The following GRTP1 variants were observed in gnomAD, a reference collection of about 807,000 sequenced individuals.
The protein encoded by GRTP1 is growth hormone regulated TBC protein 1.
A neutral mutation model predicts 38.1 loss-of-function variants in GRTP1; 56 were observed. That is an observed-to-expected ratio of 1.47 (90% CI 1.19 to 1.84). The LOEUF (loss-of-function observed/expected upper bound fraction) is 1.84. Ranked by LOEUF, GRTP1 falls within the 40% of genes most tolerant of loss-of-function variation. GRTP1 has a pLI of 0.00. For synonymous variants in GRTP1, 217 were observed against 189.5 expected (o/e 1.14, Z -1.19); for missense variants, 506 against 453.9 (o/e 1.11, Z -1.04).
At position 113,325,475 on chromosome 13, in the gene GRTP1, TAGAC is replaced by T. The variant is rs1013826322; in HGVS notation, c.921+182_921+185del. On this transcript the variant is annotated intron_variant, in intron 7 of 7. Transcript: ENST00000375431. ...CAGGGCCAAGAAGACAGGGCCGCCATAGACAGGAAAGCCCTCGGAGGCCAGGCGC... is the reference window on the plus strand; with the variant it reads ...CAGGGCCAAGAAGACAGGGCCGCCATAGGAAAGCCCTCGGAGGCCAGGCGC... The T allele has an allele frequency of 5.9e-5, 86 of 1,458,826 alleles. No homozygotes were observed. The Admixed American group carries it at 9.3e-4, about 16-fold the overall frequency. The allele number at this position is 1,458,826 out of a possible 1,614,324, so 90.4% of individuals were successfully genotyped here.
chr13:113,325,787 C>G lies in GRTP1; in HGVS notation c.795G>C (p.Val265=), dbSNP rs1437732436. The change falls in exon 7 of 8, where the codon GTG becomes GTC. Residue 265 remains valine (V), a synonymous_variant. Coordinates refer to ENST00000375431, the MANE Select transcript of GRTP1 (RefSeq NM_024719.4). ...FNEGSKIIFR[V]ALTLIKQHQE... ...GGTGCTGCTTAATTAAGGTCAGGGC[C>G]ACCCGGAAGATAATCTTCGAGCCTT... The G allele has an allele frequency of 1.2e-6, 2 of 1,614,204 alleles. No individual in the cohort carries two copies. Among genetic ancestry groups the G allele is most frequent in the Non-Finnish European group, 1.7e-6 (2 of 1,180,036 alleles).
intron 5 of GRTP1, among the ~76,000 whole-genome samples, chr13:113,337,941 C>T (rs1039455439): frequency 6.6e-6 from 1 of 152,268 alleles, no homozygotes; most frequent in African/African-American, 2.4e-5. Flanking sequence ...GCCAGTCCTC[C>T]CAGCCAGAGC....
At chr13:113,325,509 G>T (rs747163141) in intron 7 of GRTP1, 152 bp downstream of exon 7, 22 of 1,499,512 alleles carry the variant, frequency 1.5e-5, no homozygotes, top group Non-Finnish European at 1.9e-5. Context: ...AGGCGCAGGG[G>T]GCAGATGCAG....
At chr13:113,352,349 T>A (rs5806988) in intron 3 of GRTP1, among the ~76,000 whole-genome samples, 3 of 107,132 alleles carry the variant, frequency 2.8e-5, no homozygotes, top group African/African-American at 3.7e-5. Context: ...ATATATATAT[T>A]TATATATATT....
At chr13:113,340,846 C>G (rs2043016597) in intron 5 of GRTP1, among the ~76,000 whole-genome samples, 1 of 152,012 alleles carries the variant, frequency 6.6e-6, no homozygotes, top group African/African-American at 2.4e-5. Context: ...TGTTCCTTCA[C>G]AGTTTGATAG....
rs1478348597 is a variant in GRTP1, at chr13:113,324,405, A to G, written c.*83T>C. 2.8e-6 allele frequency: 4 copies of G among 1,427,006 alleles called. No homozygotes were observed. Among genetic ancestry groups the G allele is most frequent in the Non-Finnish European group, 3.7e-6 (4 of 1,085,574 alleles). 88.4% of individuals were successfully genotyped at this position (1,427,006 alleles called of 1,614,324 possible). On this transcript the variant is annotated 3_prime_UTR_variant, in exon 8 of 8. Transcript: ENST00000375431. Reference sequence around the variant, plus strand: ...TCAAGTATTTACAACACTAAAAAGGAAAGCAGTGAAAGTTGGTCCAGTGTC... The same window carrying G: ...TCAAGTATTTACAACACTAAAAAGGGAAGCAGTGAAAGTTGGTCCAGTGTC...
intron 5 of GRTP1, among the ~76,000 whole-genome samples, chr13:113,333,838 AGTGTGTGTG>A (rs1234962443): frequency 4.2e-4 from 10 of 23,542 alleles, no homozygotes; most frequent in African/African-American, 6.8e-4. Context: ...TTATTTATTT[AGTGTGTGTG>A]TGTGTGTGTG....
chr13:113,354,506 A>G (rs2043343027), intron 3 of GRTP1, among the ~76,000 whole-genome samples: 1 of 152,002 alleles, frequency 6.6e-6, no homozygotes, highest in South Asian at 2.1e-4. Flanking sequence ...CTTTCTAAAA[A>G]TCTATTCAAT....
intron 5 of GRTP1, among the ~76,000 whole-genome samples, chr13:113,337,053 G>A (rs2042964727): frequency 6.6e-6 from 1 of 152,220 alleles, no homozygotes; most frequent in Non-Finnish European, 1.5e-5. Context: ...CGGCACTTTG[G>A]AAGGCTGAGG....
chr13:113,363,809 T>C lies in GRTP1; in HGVS notation c.134A>G (p.Lys45Arg), dbSNP rs769334846. ...CCCGCCCTGCAGCAGCCGGGACCAT[T>C]TGATCGCCCTGCGGGTGAGCGTGAC... ...YLVTLTRRAI[K>R]WSRLLQGGGV... Residue 45 changes from lysine (K) to arginine (R), a missense_variant, in exon 2 of 8, where the codon AAA becomes AGA. Transcript: ENST00000375431. 5 of 1,611,464 alleles carry C rather than the reference T, an allele frequency of 3.1e-6. No homozygotes were observed. In the Admixed American group the frequency reaches 6.7e-5, roughly 22 times the overall value.
chr13:113,350,086 A>T (rs1022958031), intron 4 of GRTP1, among the ~76,000 whole-genome samples: 11 of 152,092 alleles, frequency 7.2e-5, no homozygotes, highest in African/African-American at 2.4e-4. Flanking sequence ...ACCCTCGTGG[A>T]GGCCAGCCCT....
intron 2 of GRTP1, among the ~76,000 whole-genome samples, chr13:113,361,210 T>TAA (rs60140159): frequency 2.4e-5 from 3 of 125,354 alleles, no homozygotes; most frequent in Admixed American, 8.2e-5. Flanking sequence ...AGACCAATGC[T>TAA]AAAAAAAAAA....
rs747789425 is a variant in GRTP1 at position 113,350,923 on chromosome 13, G to C, written c.391C>G (p.Pro131Ala). The C allele has an allele frequency of 6.2e-7, 1 of 1,613,584 alleles. No individual in the cohort carries two copies. Among genetic ancestry groups the C allele is most frequent in the Non-Finnish European group, 8.5e-7 (1 of 1,179,520 alleles). Residue 131 changes from proline to alanine, a missense_variant, in exon 4 of 8, where the codon CCC becomes GCC. Transcript: ENST00000375431. ...TTGTACAGGGTCCTCTGTAAGCAGG[G>C]GTCCGTGGTCTTCCGGAACTTCACG... ...DNVKFRKTTD[P>A]CLQRTLYNVL... is the part of the protein sequence containing the mutation.
intron 2 of GRTP1, among the ~76,000 whole-genome samples, chr13:113,358,158 G>T (rs2043430181): frequency 6.6e-6 from 1 of 152,054 alleles, no homozygotes; most frequent in East Asian, 1.9e-4. Context: ...CTCCAGCCTG[G>T]GAGACACAGA....
chr13:113,325,787 C>T lies in GRTP1; in HGVS notation c.795G>A (p.Val265=). The T allele has an allele frequency of 6.2e-7, 1 of 1,614,204 alleles. No individual in the cohort carries two copies. The part of the protein sequence containing the change: ...FNEGSKIIFR[V]ALTLIKQHQE... Reference sequence around the variant, plus strand: ...GGTGCTGCTTAATTAAGGTCAGGGCCACCCGGAAGATAATCTTCGAGCCTT... The same window carrying T: ...GGTGCTGCTTAATTAAGGTCAGGGCTACCCGGAAGATAATCTTCGAGCCTT... Residue 265 remains valine (V), a synonymous_variant, in exon 7 of 8, where the codon GTG becomes GTA. Coordinates refer to ENST00000375431, the MANE Select transcript of GRTP1 (RefSeq NM_024719.4).
intron 4 of GRTP1, among the ~76,000 whole-genome samples, chr13:113,346,260 A>AGACCCAGGAG (rs1555317034): frequency 1.6e-5 from 1 of 62,726 alleles, no homozygotes; most frequent in Non-Finnish European, 3.1e-5. Context: ...GGCCGAGAGC[A>AGACCCAGGAG]GATCCGGGAG....
At chr13:113,360,332 G>C (rs1167811339) in intron 2 of GRTP1, 1 of 152,150 alleles carries the variant, frequency 6.6e-6, no homozygotes, top group Non-Finnish European at 1.5e-5. Context: ...CCAAGAGTGT[G>C]ATCAGGCAGA....
intron 5 of GRTP1, among the ~76,000 whole-genome samples, chr13:113,340,470 C>A (rs2043011249): frequency 6.6e-6 from 1 of 151,702 alleles, no homozygotes; most frequent in African/African-American, 2.4e-5. Flanking sequence ...CAGACTGAGA[C>A]CCTGTCTCTA....
chr13:113,362,396 T>A (rs911168797), intron 2 of GRTP1, among the ~76,000 whole-genome samples: 1 of 151,954 alleles, frequency 6.6e-6, no homozygotes, highest in Non-Finnish European at 1.5e-5. Context: ...ACTGGAAACA[T>A]GTGAACATGC....
Sources: allele counts gnomAD v4.1 joint callset (sites outside exome capture counted in the v4.1 genomes callset), GRCh38; gene constraint gnomAD v4.1.1; transcripts MANE v1.5; gene names NCBI Gene and HGNC (gene_info 2026-07-23, HGNC 2026-07-21).